DPP10: variants seen among roughly 807,000 people sequenced by gnomAD.
DPP10 encodes the protein inactive dipeptidyl peptidase 10.
Under a neutral mutation model 120.9 loss-of-function variants are expected in DPP10, and 33 were observed. That is an observed-to-expected ratio of 0.27 (90% CI 0.21 to 0.37). The LOEUF is 0.37. Ranked by LOEUF, DPP10 falls within the 10% of genes least tolerant of loss-of-function variation. DPP10 has a pLI of 1.00. For missense variants in DPP10, 816 were observed against 942.8 expected (o/e 0.87, Z 1.76); for synonymous variants, 337 against 326.1 (o/e 1.03, Z -0.36).
At chr2:114,960,990 ATG>A (rs1574578741) in intron 1 of DPP10, among the ~76,000 whole-genome samples, 1 of 142,404 alleles carries the variant, frequency 7.0e-6, no homozygotes, top group East Asian at 2.2e-4. Flanking sequence ...TCCAGAAAAT[ATG>A]TGACATCTGC....
At chr2:114,557,745 C>T (rs181338403) in intron 1 of DPP10, among the ~76,000 whole-genome samples, 4 of 152,044 alleles carry the variant, frequency 2.6e-5, no homozygotes, top group Non-Finnish European at 5.9e-5. Flanking sequence ...TGGCTCGGCT[C>T]GCGACTAGCT....
Position 115,818,440 on chromosome 2 carries a change from T to C in DPP10, c.1950+2711T>C, listed in dbSNP as rs546325814. On this transcript the variant is annotated intron_variant, in intron 21 of 25. Transcript: ENST00000410059. Reference sequence around the variant, plus strand: ...TTCAATGCTCTGCTTACTGTACACATAAATAAGCATAAAGGACCAAATAAG... The same window carrying C: ...TTCAATGCTCTGCTTACTGTACACACAAATAAGCATAAAGGACCAAATAAG... 7.9e-5 allele frequency among the ~76,000 whole-genome samples: 12 copies of C among 152,268 alleles called. No homozygotes were observed. In the East Asian group the frequency reaches 2.1e-3, roughly 27 times the overall value.
At chr2:114,914,676 A>T (rs1024288607) in intron 1 of DPP10, among the ~76,000 whole-genome samples, 2 of 152,192 alleles carry the variant, frequency 1.3e-5, no homozygotes, top group Admixed American at 1.3e-4. Context: ...CAACAGAAAG[A>T]CAGGATCAAA....
intron 3 of DPP10, among the ~76,000 whole-genome samples, chr2:115,448,135 G>T (rs918095768): frequency 2.0e-5 from 3 of 152,130 alleles, no homozygotes; most frequent in African/African-American, 7.2e-5. Context: ...TGATTTATGG[G>T]AACGGTGAAG....
At chr2:115,529,694 G>A (rs2078348801) in intron 5 of DPP10, among the ~76,000 whole-genome samples, 1 of 152,096 alleles carries the variant, frequency 6.6e-6, no homozygotes, top group Admixed American at 6.6e-5. Flanking sequence ...AGTGAAATTA[G>A]TTTGAGAACT....
intron 1 of DPP10, among the ~76,000 whole-genome samples, chr2:115,133,369 T>C (rs561813234): frequency 2.0e-5 from 3 of 151,546 alleles, no homozygotes; most frequent in Non-Finnish European, 4.4e-5. Flanking sequence ...TTTAGGAAAT[T>C]TAAGACCAAG....
chr2:115,480,484 T>C (rs1036178046), intron 3 of DPP10, among the ~76,000 whole-genome samples: 29 of 152,072 alleles, frequency 1.9e-4, no homozygotes, highest in African/African-American at 7.0e-4. Context: ...GTATTCATTC[T>C]ATTGTTGCTT....
intron 4 of DPP10, among the ~76,000 whole-genome samples, chr2:115,515,323 T>G (rs1407917039): frequency 6.6e-6 from 1 of 152,062 alleles, no homozygotes; most frequent in Non-Finnish European, 1.5e-5. Flanking sequence ...CCACCAATAG[T>G]GTATGATACT....
chr2:114,664,178 G>C (rs1184176189), intron 1 of DPP10, among the ~76,000 whole-genome samples: 2 of 151,990 alleles, frequency 1.3e-5, no homozygotes, highest in Non-Finnish European at 2.9e-5. Flanking sequence ...TTTCAGAGCT[G>C]CTCTCTGGAA....
intron 4 of DPP10, among the ~76,000 whole-genome samples, chr2:115,503,404 A>G (rs1217564438): frequency 5.3e-5 from 8 of 152,182 alleles, no homozygotes; most frequent in Non-Finnish European, 1.0e-4. Context: ...TGAAATCAAG[A>G]AACTTACTAT....
chr2:115,607,438 C>CA (rs1027364243), intron 5 of DPP10, among the ~76,000 whole-genome samples: 17 of 152,154 alleles, frequency 1.1e-4, no homozygotes, highest in African/African-American at 3.1e-4. Flanking sequence ...TGTTTATGTA[C>CA]AAAAAATACA....
chr2:114,784,518 G>A (rs1301548420), intron 1 of DPP10, among the ~76,000 whole-genome samples: 1 of 152,076 alleles, frequency 6.6e-6, no homozygotes, highest in Non-Finnish European at 1.5e-5. Flanking sequence ...TCTCAAATAT[G>A]TTCCTATAAA....
At chr2:115,222,678 G>C (rs899126901) in intron 1 of DPP10, among the ~76,000 whole-genome samples, 1 of 152,020 alleles carries the variant, frequency 6.6e-6, no homozygotes, top group African/African-American at 2.4e-5. Context: ...TTGACTATTA[G>C]AGTAGAAGAC....
chr2:115,423,769 T>C (rs188691300), intron 3 of DPP10, among the ~76,000 whole-genome samples: 2 of 152,170 alleles, frequency 1.3e-5, no homozygotes, highest in Non-Finnish European at 2.9e-5. Context: ...AACACAGTAT[T>C]TGAAAGCTAC....
At chr2:115,237,420 G>T (rs1234472911) in intron 1 of DPP10, among the ~76,000 whole-genome samples, 3 of 151,950 alleles carry the variant, frequency 2.0e-5, no homozygotes, top group African/African-American at 4.8e-5. Context: ...CTCCTTTTCC[G>T]CAGGCCTCCA....
intron 2 of DPP10, among the ~76,000 whole-genome samples, chr2:115,337,626 C>T (rs969469563): frequency 2.9e-5 from 4 of 135,656 alleles, no homozygotes; most frequent in African/African-American, 8.4e-5. Context: ...ATGAACATCC[C>T]GAAGGATTAC....
chr2:114,598,522 A>T (rs1446251311), intron 1 of DPP10, among the ~76,000 whole-genome samples: 2 of 151,874 alleles, frequency 1.3e-5, no homozygotes, highest in Non-Finnish European at 2.9e-5. Context: ...AACACTTAAT[A>T]ACTGAATAAG....
At chr2:115,159,266 G>A (rs996559790) in intron 1 of DPP10, among the ~76,000 whole-genome samples, 5 of 152,234 alleles carry the variant, frequency 3.3e-5, no homozygotes, top group African/African-American at 1.2e-4. Flanking sequence ...AGACAATGCC[G>A]GCTAACACGG....
intron 5 of DPP10, among the ~76,000 whole-genome samples, chr2:115,596,259 A>C (rs1368610659): frequency 2.0e-5 from 3 of 152,222 alleles, no homozygotes; most frequent in Non-Finnish European, 4.4e-5. Context: ...GAATTTCTAA[A>C]TTAAAGTCTG....
Sources: gnomAD v4.1 joint callset for allele counts (sites outside exome capture counted in the v4.1 genomes callset) on GRCh38, gnomAD v4.1.1 for gene constraint, MANE v1.5 for transcripts, NCBI Gene and HGNC (gene_info 2026-07-23, HGNC 2026-07-21) for gene names.